Variants in PLCZ1 observed in about 807,000 individuals in gnomAD.
PLCZ1 encodes the protein phospholipase C zeta 1, also known as 1-phosphatidylinositol 4,5-bisphosphate phosphodiesterase zeta-1.
PLCZ1 carries 64 observed loss-of-function variants against 76.8 expected under a neutral mutation model. That is an observed-to-expected ratio of 0.83 (90% CI 0.68 to 1.03). PLCZ1 has a LOEUF of 1.03. Among genes scored for constraint, PLCZ1 ranks in the 50% least tolerant of loss-of-function variants. PLCZ1 has a pLI of 0.00. For synonymous variants in PLCZ1, 248 were observed against 230.8 expected (o/e 1.07, Z -0.68); for missense variants, 751 against 713.7 (o/e 1.05, Z -0.60).
intron 13 of PLCZ1, among the ~76,000 whole-genome samples, chr12:18,687,082 C>T (rs1305829177): frequency 6.6e-6 from 1 of 152,038 alleles, no homozygotes; most frequent in Admixed American, 6.6e-5. Context: ...AGCAATGTGC[C>T]TTCAACTCTA....
chr12:18,654,579 G>T, the PLCZ1 span, among the ~76,000 whole-genome samples: 9 of 152,138 alleles, frequency 5.9e-5, no homozygotes, highest in African/African-American at 2.2e-4. Flanking sequence ...TTATTGCCAC[G>T]GGTGTTCCCT....
At chr12:18,737,269 T>A (rs1258047731) in intron 2 of PLCZ1, 92 bp downstream of exon 2, 10 of 1,407,274 alleles carry the variant, frequency 7.1e-6, no homozygotes, top group African/African-American at 1.4e-5. Flanking sequence ...AGGACTTAAA[T>A]TCAGAACTCC....
intron 5 of PLCZ1, among the ~76,000 whole-genome samples, chr12:18,718,446 C>G (rs1192374581): frequency 3.3e-5 from 5 of 152,156 alleles, no homozygotes; most frequent in Non-Finnish European, 5.9e-5. Context: ...TCTCCATGCT[C>G]TACAAGATCC....
At chr12:18,650,756 ATATATATAT>A in the PLCZ1 span, among the ~76,000 whole-genome samples, 9 of 103,506 alleles carry the variant, frequency 8.7e-5, no homozygotes, top group South Asian at 3.4e-4. Flanking sequence ...ATATATATAT[ATATATATAT>A]TCCAGTCCAT....
chr12:18,655,060 A>T, the PLCZ1 span, among the ~76,000 whole-genome samples: 1 of 151,854 alleles, frequency 6.6e-6, no homozygotes. Context: ...ATAATAAAAA[A>T]AAATACCAGA....
Position 18,695,060 on chromosome 12 carries a change from G to A in PLCZ1, c.1311C>T (p.Thr437=). ...GCQMVALNFQ[T]PGLPMDLQNG... ...TTTGCAGATCCATGGGCAGACCAGG[G>A]GTCTGGAAATTTAAAGCCACTGTAA... Residue 437 remains threonine (T), a synonymous_variant, in exon 12 of 15, where the codon ACC becomes ACT. Coordinates refer to ENST00000266505, the MANE Select transcript of PLCZ1 (RefSeq NM_033123.4). 1.9e-6 allele frequency: 3 copies of A among 1,612,846 alleles called. No homozygotes were observed. Among genetic ancestry groups the A allele is most frequent in the South Asian group, 1.1e-5 (1 of 91,036 alleles).
chr12:18,657,464 T>C, the PLCZ1 span, among the ~76,000 whole-genome samples: 1 of 152,132 alleles, frequency 6.6e-6, no homozygotes, highest in Non-Finnish European at 1.5e-5. Flanking sequence ...AGCTGAAGTG[T>C]TGAAGGCATG....
intron 12 of PLCZ1, among the ~76,000 whole-genome samples, chr12:18,690,382 C>A (rs1464104758): frequency 2.0e-5 from 3 of 152,028 alleles, no homozygotes; most frequent in Non-Finnish European, 2.9e-5. Flanking sequence ...TGCCACCATG[C>A]CCAGCTAAGT....
At chr12:18,719,143 T>C (rs1282235381) in intron 5 of PLCZ1, among the ~76,000 whole-genome samples, 1 of 152,110 alleles carries the variant, frequency 6.6e-6, no homozygotes, top group African/African-American at 2.4e-5. Flanking sequence ...CTTTGAGAAG[T>C]GTCTAGGTTA....
chr12:18,655,243 C>T, the PLCZ1 span, among the ~76,000 whole-genome samples: 1 of 152,126 alleles, frequency 6.6e-6, no homozygotes, highest in African/African-American at 2.4e-5. Flanking sequence ...AGGTAAAGAA[C>T]CTGCTTCCAG....
Position 18,685,376 on chromosome 12 carries a change from T to A in PLCZ1, c.1592-1097A>T, listed in dbSNP as rs192439185. 693 of 165,162 alleles carry A rather than the reference T, an allele frequency of 4.2e-3. 6 individuals carry two copies. Among genetic ancestry groups the A allele is most frequent in the African/African-American group, 0.015 (648 of 42,200 alleles). 10.2% of individuals were successfully genotyped at this position (165,162 alleles called of 1,614,324 possible). A position where few individuals can be genotyped will look rare whatever the true frequency, so the allele number is the denominator to read the frequency against. On this transcript the variant is annotated intron_variant, in intron 13 of 14. Transcript: ENST00000266505. ...AAGAAATTCACATCCAGATTAAATA[T>A]AAATTCTGCTTAATAAAGACTCAAA...
chr12:18,716,684 A>C (rs917697815), intron 5 of PLCZ1, among the ~76,000 whole-genome samples: 2 of 152,196 alleles, frequency 1.3e-5, no homozygotes, highest in African/African-American at 4.8e-5. Context: ...TTGTGGTATG[A>C]AATTTCCACT....
intron 7 of PLCZ1, among the ~76,000 whole-genome samples, chr12:18,702,228 A>C (rs1446134600): frequency 6.6e-6 from 1 of 152,008 alleles, no homozygotes; most frequent in Non-Finnish European, 1.5e-5. Flanking sequence ...GGCATCTAGT[A>C]TAGACTAAAT....
the PLCZ1 span, among the ~76,000 whole-genome samples, chr12:18,670,745 T>C: frequency 6.6e-6 from 1 of 152,186 alleles, no homozygotes; most frequent in African/African-American, 2.4e-5. Flanking sequence ...TACTTTATCA[T>C]CCTGAACTAT....
chr12:18,704,699 T>C (rs979711805), intron 7 of PLCZ1, among the ~76,000 whole-genome samples: 2 of 152,124 alleles, frequency 1.3e-5, no homozygotes, highest in Non-Finnish European at 2.9e-5. Flanking sequence ...ACGTGATTTT[T>C]CAAAGCAAAT....
chr12:18,711,319 G>A (rs1447642546), intron 6 of PLCZ1, among the ~76,000 whole-genome samples: 2 of 141,578 alleles, frequency 1.4e-5, no homozygotes, highest in Non-Finnish European at 3.0e-5. Context: ...TCACTCATAG[G>A]TGGGAATTGA....
At chr12:18,666,348 C>T in the PLCZ1 span, among the ~76,000 whole-genome samples, 1 of 151,972 alleles carries the variant, frequency 6.6e-6, no homozygotes, top group Non-Finnish European at 1.5e-5. Flanking sequence ...GTCTACAAGA[C>T]ACTCCTTAGA....
downstream of PLCZ1, chr12:18,683,155 GT>G (rs1220064449): frequency 3.4e-6 from 4 of 1,179,854 alleles, no homozygotes; most frequent in Non-Finnish European, 5.0e-6. Flanking sequence ...TTTTCTTTAT[GT>G]TTAAAAAAGA....
Position 18,699,883 on chromosome 12 carries a change from T to C in PLCZ1, c.1085A>G (p.Lys362Arg). 3 of 1,612,832 alleles carry C rather than the reference T, an allele frequency of 1.9e-6. No homozygotes were observed. Among genetic ancestry groups the C allele is most frequent in the South Asian group, 2.2e-5 (2 of 91,024 alleles). ...LVIYTKAEKF[K>R]SFQHSRLYQQ... ...ATATAATCTTGAATGTTGAAAGCTTTTGAATTTCTCAGCTTTCGTATAAAT... is the reference window on the plus strand; with the variant it reads ...ATATAATCTTGAATGTTGAAAGCTTCTGAATTTCTCAGCTTTCGTATAAAT... The change falls in exon 10 of 15, where the codon AAA becomes AGA. Residue 362 changes from lysine (K) to arginine (R), a missense_variant. Lys to Arg is a conservative substitution (Grantham distance 26, BLOSUM62 2). Coordinates refer to ENST00000266505, the MANE Select transcript of PLCZ1 (RefSeq NM_033123.4).
Sources: gnomAD v4.1 joint callset for allele counts (sites outside exome capture counted in the v4.1 genomes callset) on GRCh38, gnomAD v4.1.1 for gene constraint, MANE v1.5 for transcripts, NCBI Gene and HGNC (gene_info 2026-07-23, HGNC 2026-07-21) for gene names.